ABCA10: variants seen among roughly 807,000 people sequenced by gnomAD.
The protein encoded by ABCA10 is ATP binding cassette subfamily A member 10, also known as ATP-binding cassette sub-family A member 10.
A neutral mutation model predicts 187.5 loss-of-function variants in ABCA10; 169 were observed. That is an observed-to-expected ratio of 0.90 (90% CI 0.80 to 1.02). ABCA10 has a LOEUF of 1.02. Ranked by LOEUF, ABCA10 falls within the 50% of genes least tolerant of loss-of-function variation. ABCA10 has a pLI of 0.00. For synonymous variants in ABCA10, 574 were observed against 601.8 expected (o/e 0.95, Z 0.68); for missense variants, 1,727 against 1,812.4 (o/e 0.95, Z 0.86).
intron 9 of ABCA10, among the ~76,000 whole-genome samples, chr17:69,210,849 T>TATATATATATATATATATATATAC (rs2074641113): frequency 3.7e-5 from 1 of 27,180 alleles, no homozygotes; most frequent in African/African-American, 8.3e-5. Flanking sequence ...TTATGCCACA[T>TATATATATATATATATATATATAC]ATATATATAT....
intron 9 of ABCA10, among the ~76,000 whole-genome samples, chr17:69,210,075 T>C (rs1019646624): frequency 7.7e-6 from 1 of 129,320 alleles, no homozygotes; most frequent in African/African-American, 2.9e-5. Context: ...GAGCTTATGC[T>C]ATTACTTTAT....
Position 69,154,267 on chromosome 17 carries a change from T to C in ABCA10, c.3754A>G (p.Ile1252Val). ...GCAGTTGGCTTTGTGCACCCAGTTATCATTTTAATGGAAGTACTTTTACCA... is the reference window on the plus strand; with the variant it reads ...GCAGTTGGCTTTGTGCACCCAGTTACCATTTTAATGGAAGTACTTTTACCA... Reference protein sequence around the residue: ...GAGKSTSIKMITGCTKPTAGV... With the variant: ...GAGKSTSIKMVTGCTKPTAGV... Residue 1252 changes from isoleucine (I) to valine (V), a missense_variant, in exon 31 of 39, where the codon ATA becomes GTA. By Grantham distance (29) the Ile-to-Val change is conservative (BLOSUM62 3). Coordinates refer to ENST00000690296, the MANE Select transcript of ABCA10 (RefSeq NM_001377321.1). The C allele has an allele frequency of 6.2e-7, 1 of 1,612,580 alleles. No homozygotes were observed. The highest frequency in any genetic ancestry group is 8.5e-7 in the Non-Finnish European group (1 of 1,179,558).
intron 30 of ABCA10, 58 bp from the exon 31 acceptor site, chr17:69,154,384 G>A: frequency 8.0e-7 from 1 of 1,245,120 alleles, no homozygotes; most frequent in Middle Eastern, 2.1e-4. Context: ...ATCTAAAATT[G>A]CTTGGTTGGT....
At chr17:69,181,196 T>C (rs1484632761) in intron 22 of ABCA10, among the ~76,000 whole-genome samples, 1 of 152,180 alleles carries the variant, frequency 6.6e-6, no homozygotes, top group African/African-American at 2.4e-5. Flanking sequence ...TCAGCGTATA[T>C]GTCTTATATT....
At chr17:69,149,260 GC>G (rs1483508525) in intron 37 of ABCA10, 172 bp from the exon 38 acceptor site, 3 of 658,394 alleles carry the variant, frequency 4.6e-6, no homozygotes, top group Non-Finnish European at 7.5e-6. Context: ...ATAAAAGATA[GC>G]CATGCATGAA....
In ABCA10 at chr17:69,224,021, G is replaced by A. The variant is rs543313216; in HGVS notation, c.34+1304C>T. Among the ~76,000 whole-genome samples the A allele has an allele frequency of 5.3e-5, 8 of 152,224 alleles. No individual in the cohort carries two copies. In the South Asian group the frequency reaches 1.0e-3, roughly 20 times the overall value. Reference sequence around the variant, plus strand: ...AAAGGAAGTGAATAGAGACAGATCAGGGCAGAATCAACACTGTGGTCAGGC... The same window carrying A: ...AAAGGAAGTGAATAGAGACAGATCAAGGCAGAATCAACACTGTGGTCAGGC... On this transcript the variant is annotated intron_variant, in intron 3 of 38. Transcript: ENST00000690296.
At chr17:69,159,922 G>T (rs1179050113) in intron 27 of ABCA10, among the ~76,000 whole-genome samples, 3 of 152,050 alleles carry the variant, frequency 2.0e-5, no homozygotes, top group African/African-American at 7.2e-5. Context: ...TCAACAAATA[G>T]TGCTAAGAAA....
At position 69,201,602 on chromosome 17, in the gene ABCA10, T is replaced by C. The variant is rs938430560; in HGVS notation, c.1073A>G (p.Asn358Ser). ...ATTCTCAAAGATTTCATGATGAGTA[T>C]TTTGATGTTTGGACCAAAATGAGGA... is the stretch of plus-strand genomic sequence containing the variant. Reference protein sequence around the residue: ...LKSSFWSKHQNTHHEIFENEI... With the variant: ...LKSSFWSKHQSTHHEIFENEI... The change falls in exon 10 of 39, where the codon AAT (asparagine) becomes AGT (serine). Residue 358 changes from asparagine to serine, a missense_variant. Physicochemically the swap from Asn to Ser is conservative, Grantham distance 46 (BLOSUM62 1). Transcript: ENST00000690296. 6.2e-7 allele frequency: 1 copy of C among 1,612,702 alleles called. No homozygotes were observed.
At chr17:69,197,446 A>G (rs1014455415) in intron 10 of ABCA10, among the ~76,000 whole-genome samples, 1 of 152,198 alleles carries the variant, frequency 6.6e-6, no homozygotes, top group Non-Finnish European at 1.5e-5. Flanking sequence ...CTTTCCCTCA[A>G]TCCTGAATCC....
At chr17:69,218,716 T>G (rs1261528868) in intron 6 of ABCA10, among the ~76,000 whole-genome samples, 1 of 152,170 alleles carries the variant, frequency 6.6e-6, no homozygotes, top group East Asian at 1.9e-4. Context: ...TACCATGCAC[T>G]AACAAACACC....
At chr17:69,156,112 G>A (rs1245270440) in intron 28 of ABCA10, among the ~76,000 whole-genome samples, 187 bp from the exon 29 acceptor site, 1 of 152,094 alleles carries the variant, frequency 6.6e-6, no homozygotes, top group Non-Finnish European at 1.5e-5. Context: ...AATATTCTTT[G>A]ACTATTTCTT....
upstream of ABCA10, among the ~76,000 whole-genome samples, chr17:69,231,561 G>T (rs1226522122): frequency 1.3e-5 from 2 of 152,056 alleles, no homozygotes; most frequent in African/African-American, 4.8e-5. Flanking sequence ...TAATGTCCGT[G>T]TATTTGTACC....
intron 19 of ABCA10, among the ~76,000 whole-genome samples, chr17:69,186,994 C>A (rs529320469): frequency 2.4e-4 from 37 of 152,014 alleles, no homozygotes; most frequent in African/African-American, 8.0e-4. Flanking sequence ...AGTTTAAAGG[C>A]CTTATCAATT....
intron 3 of ABCA10, among the ~76,000 whole-genome samples, 175 bp downstream of exon 3, chr17:69,225,150 T>G (rs1010471648): frequency 3.3e-5 from 5 of 152,078 alleles, no homozygotes; most frequent in Admixed American, 3.3e-4. Flanking sequence ...AATCATTTCA[T>G]CTGTTGCCCA....
At position 69,174,405 on chromosome 17, in the gene ABCA10, T is replaced by C; in HGVS notation, c.3049-11A>G. ...AATTATGCATACCACCTGCAAATAA[T>C]GAGGATCAATGGCAAGATTAGAAAT... On this transcript the variant is annotated splice_polypyrimidine_tract_variant and intron_variant, in intron 24 of 38. Coordinates refer to ENST00000690296, the MANE Select transcript of ABCA10 (RefSeq NM_001377321.1). The C allele has an allele frequency of 1.9e-6, 3 of 1,562,806 alleles. No individual in the cohort carries two copies.
intron 9 of ABCA10, among the ~76,000 whole-genome samples, chr17:69,208,081 AATAAAGT>A (rs2074604820): frequency 6.6e-6 from 1 of 152,210 alleles, no homozygotes; most frequent in South Asian, 2.1e-4. Flanking sequence ...TTTTGTGGTC[AATAAAGT>A]ATAGAGACAG....
intron 18 of ABCA10, among the ~76,000 whole-genome samples, chr17:69,188,292 C>T (rs1211219848): frequency 2.0e-5 from 3 of 152,018 alleles, no homozygotes; most frequent in African/African-American, 7.2e-5. Flanking sequence ...GTAACGAGTT[C>T]AAGACATTGT....
chr17:69,200,207 C>T (rs2144815115), intron 10 of ABCA10, among the ~76,000 whole-genome samples: 1 of 152,270 alleles, frequency 6.6e-6, no homozygotes, highest in South Asian at 2.1e-4. Context: ...GAACACCTAG[C>T]AATAGGCCAT....
Position 69,187,734 on chromosome 17 carries a change from C to T in ABCA10, c.2277G>A (p.Val759=). Residue 759 remains valine, a synonymous_variant, in exon 19 of 39, where the codon GTG becomes GTA. Transcript: ENST00000690296. ...AALWRRQIYA[V]ATLRFLKLRR... Reference sequence around the variant, plus strand: ...TTAACTTTAAGAAGCGAAGTGTTGCCACTGCATAGATTTGTCGTCTCCAGA... The same window carrying T: ...TTAACTTTAAGAAGCGAAGTGTTGCTACTGCATAGATTTGTCGTCTCCAGA... 6.2e-7 allele frequency: 1 copy of T among 1,613,818 alleles called. No homozygotes were observed.
Sources: allele counts gnomAD v4.1 joint callset (sites outside exome capture counted in the v4.1 genomes callset), GRCh38; gene constraint gnomAD v4.1.1; transcripts MANE v1.5; gene names NCBI Gene and HGNC (gene_info 2026-07-23, HGNC 2026-07-21).